Variants in DPP6 observed in about 807,000 individuals in gnomAD.
The protein encoded by DPP6 is dipeptidyl peptidase like 6.
Under a neutral mutation model 122.6 loss-of-function variants are expected in DPP6, and 69 were observed. The observed-to-expected ratio is 0.56, with a 90% CI of 0.46 to 0.69. DPP6 has a LOEUF of 0.69. Ranked by LOEUF, DPP6 falls within the 30% of genes least tolerant of loss-of-function variation. The pLI, the probability that DPP6 is intolerant of heterozygous loss-of-function variation, is 0.00. For synonymous variants in DPP6, 418 were observed against 433.1 expected (o/e 0.97, Z 0.43); for missense variants, 928 against 1,116.9 (o/e 0.83, Z 2.41).
intron 1 of DPP6, among the ~76,000 whole-genome samples, chr7:153,933,682 TTCTCTCTC>T (rs3060876): frequency 1.7e-4 from 25 of 150,540 alleles, no homozygotes; most frequent in Middle Eastern, 6.8e-3. Flanking sequence ...CATTGCCACA[TTCTCTCTC>T]TCTCTCTCTC....
chr7:154,600,777 A>G lies in DPP6; in HGVS notation c.627+33861A>G, dbSNP rs1169807775. 2.5e-5 allele frequency among the ~76,000 whole-genome samples: 3 copies of G among 121,806 alleles called. 1 individual carries two copies. The highest frequency in any genetic ancestry group is 7.8e-5 in the African/African-American group (3 of 38,312). The allele number at this position is 121,806 out of a possible 152,430, so 79.9% of individuals were successfully genotyped here. The stretch of plus-strand genomic sequence containing the variant: ...TCATGAACTGTTTCAAGTGTACAGA[A>G]AAGTACAGATGGCATTACTTAAAAC... On this transcript the variant is annotated intron_variant, in intron 5 of 25. Transcript: ENST00000377770.
In DPP6 at chr7:154,624,393, G is replaced by A. The variant is rs944672877; in HGVS notation, c.628-13428G>A. On this transcript the variant is annotated intron_variant, in intron 5 of 25. Coordinates refer to ENST00000377770, the MANE Select transcript of DPP6 (RefSeq NM_130797.4). The surrounding 1 kb of genome is among the most constrained non-coding windows in gnomAD (Gnocchi z 4.7). Reference sequence around the variant, plus strand: ...TATAATCCCAGCTACTCAGAAGGCTGAGGCAGGAAAATCACTTGTACCCAG... The same window carrying A: ...TATAATCCCAGCTACTCAGAAGGCTAAGGCAGGAAAATCACTTGTACCCAG... Among the ~76,000 whole-genome samples, 1 of 151,526 alleles carries A rather than the reference G, an allele frequency of 6.6e-6. No individual in the cohort carries two copies. The highest frequency in any genetic ancestry group is 1.5e-5 in the Non-Finnish European group (1 of 67,978).
chr7:153,997,888 A>G (rs1021820100), intron 1 of DPP6, among the ~76,000 whole-genome samples: 1 of 151,642 alleles, frequency 6.6e-6, no homozygotes, highest in Non-Finnish European at 1.5e-5. Context: ...GAGGAGTGCT[A>G]AGGAGAAAAA....
At chr7:154,089,545 A>G (rs1196229369) in intron 1 of DPP6, among the ~76,000 whole-genome samples, 7 of 128,368 alleles carry the variant, frequency 5.5e-5, no homozygotes, top group South Asian at 5.9e-4. Flanking sequence ...AAAGTAAAGT[A>G]TCAAAGGCAG....
intron 5 of DPP6, among the ~76,000 whole-genome samples, chr7:154,571,131 G>C (rs1170795624): frequency 6.6e-6 from 1 of 152,062 alleles, no homozygotes; most frequent in African/African-American, 2.4e-5. Flanking sequence ...AATTAAGTTA[G>C]ACATTGGAGA....
rs1427303317 is a variant in DPP6, at chr7:154,282,979, C to T, written c.244-163235C>T. Reference sequence around the variant, plus strand: ...GGGCATCAGACATCAGAACACGTCTCTCTCTGGACTCAGGGACAATACCCA... The same window carrying T: ...GGGCATCAGACATCAGAACACGTCTTTCTCTGGACTCAGGGACAATACCCA... On this transcript the variant is annotated intron_variant, in intron 1 of 25. Coordinates refer to ENST00000377770, the MANE Select transcript of DPP6 (RefSeq NM_130797.4). This position sits in a 1 kb window ranked among gnomAD's most constrained non-coding sequence, Gnocchi z 4.8. Among the ~76,000 whole-genome samples, 1 of 152,160 alleles carries T rather than the reference C, an allele frequency of 6.6e-6. No homozygotes were observed. Among genetic ancestry groups the T allele is most frequent in the Non-Finnish European group, 1.5e-5 (1 of 68,032 alleles).
chr7:154,425,578 G>T (rs1263763614), intron 1 of DPP6, among the ~76,000 whole-genome samples: 3 of 149,590 alleles, frequency 2.0e-5, no homozygotes, highest in Non-Finnish European at 4.4e-5. Flanking sequence ...TCTTTCTTCT[G>T]TTTATAGGTT....
At chr7:154,240,028 A>C (rs1801485643) in intron 1 of DPP6, among the ~76,000 whole-genome samples, 1 of 122,706 alleles carries the variant, frequency 8.1e-6, no homozygotes, top group African/African-American at 3.2e-5. Flanking sequence ...AAAAAAAAAA[A>C]AAAAAAAAAA....
the DPP6 span, among the ~76,000 whole-genome samples, chr7:153,843,519 C>G: frequency 6.6e-6 from 1 of 151,896 alleles, no homozygotes; most frequent in South Asian, 2.1e-4. Flanking sequence ...CGGGGGGTCA[C>G]CACCTCCTGG....
At chr7:154,344,918 C>A (rs7780104) in intron 1 of DPP6, among the ~76,000 whole-genome samples, 16,678 of 152,030 alleles carry the variant, frequency 0.11, 1,322 homozygotes, top group African/African-American at 0.22. Context: ...TAATAACCTC[C>A]AAGTGCTGTT....
chr7:153,838,608 TG>T, the DPP6 span, among the ~76,000 whole-genome samples: 1 of 152,134 alleles, frequency 6.6e-6, no homozygotes, highest in Admixed American at 6.5e-5. Flanking sequence ...GAGGTTCCAC[TG>T]ATTAAAATAA....
At chr7:154,487,579 G>C (rs566012769) in intron 3 of DPP6, among the ~76,000 whole-genome samples, 43 of 152,320 alleles carry the variant, frequency 2.8e-4, no homozygotes, top group African/African-American at 9.6e-4. Context: ...TGAGAGCTCA[G>C]GTGAATCCCA....
At chr7:154,016,031 T>G (rs1798393477) in intron 1 of DPP6, among the ~76,000 whole-genome samples, 1 of 152,160 alleles carries the variant, frequency 6.6e-6, no homozygotes, top group Non-Finnish European at 1.5e-5. Context: ...CCACGTTCTA[T>G]TCCTCGAATA....
chr7:154,156,595 A>G (rs189772976), intron 1 of DPP6, among the ~76,000 whole-genome samples: 2 of 152,232 alleles, frequency 1.3e-5, no homozygotes, highest in Non-Finnish European at 2.9e-5. Flanking sequence ...CATAGAAAGT[A>G]AATTTCAAAT....
intron 1 of DPP6, among the ~76,000 whole-genome samples, chr7:154,064,223 T>A (rs1802521328): frequency 6.6e-6 from 1 of 152,130 alleles, no homozygotes; most frequent in Admixed American, 6.5e-5. Context: ...CACCTCCTGG[T>A]CTTGATTGTT....
chr7:154,649,874 TG>T (rs1836759138), intron 6 of DPP6, among the ~76,000 whole-genome samples: 1 of 152,214 alleles, frequency 6.6e-6, no homozygotes, highest in South Asian at 2.1e-4. Context: ...CACGTGGCCC[TG>T]GGCACTCACC....
intron 1 of DPP6, among the ~76,000 whole-genome samples, chr7:154,149,264 C>A (rs117546324): frequency 0.036 from 5,052 of 138,936 alleles, no homozygotes; most frequent in Middle Eastern, 0.058. Flanking sequence ...GCCCCATGCC[C>A]CAGAGGCTGC....
At chr7:154,849,767 G>A (rs187519935) in intron 16 of DPP6, among the ~76,000 whole-genome samples, 84 of 152,314 alleles carry the variant, frequency 5.5e-4, no homozygotes, top group African/African-American at 2.0e-3. Context: ...AAAGCTTTCA[G>A]CTTCACCATG....
At chr7:153,787,521 T>G in the DPP6 span, among the ~76,000 whole-genome samples, 2 of 125,882 alleles carry the variant, frequency 1.6e-5, no homozygotes, top group African/African-American at 5.9e-5. Flanking sequence ...TCCCAGCACT[T>G]TGGTAGGCCA....
Sources: allele counts gnomAD v4.1 joint callset (sites outside exome capture counted in the v4.1 genomes callset), GRCh38; gene constraint gnomAD v4.1.1; non-coding constraint Gnocchi (gnomAD v3.1); transcripts MANE v1.5; gene names NCBI Gene and HGNC (gene_info 2026-07-23, HGNC 2026-07-21).